Variants in SPATA17 observed in about 807,000 individuals in gnomAD.
SPATA17 encodes the protein spermatogenesis-associated protein 17.
A neutral mutation model predicts 62.2 loss-of-function variants in SPATA17; 53 were observed. The ratio of observed to expected loss-of-function variants is 0.85; its 90% CI spans 0.68 to 1.07. The LOEUF is 1.07. Ranked by LOEUF, SPATA17 falls within the 50% of genes least tolerant of loss-of-function variation. The pLI, the probability that SPATA17 is intolerant of heterozygous loss-of-function variation, is 0.00. For missense variants in SPATA17, 466 were observed against 425.5 expected (o/e 1.10, Z -0.84); for synonymous variants, 146 against 146.8 (o/e 0.99, Z 0.04).
chr1:217,737,042 C>T (rs1672524842), intron 5 of SPATA17, among the ~76,000 whole-genome samples: 1 of 152,052 alleles, frequency 6.6e-6, no homozygotes, highest in Admixed American at 6.6e-5. Flanking sequence ...AAAAAAAGTC[C>T]TATTGATAGC....
chr1:217,747,466 A>C (rs558696292), intron 6 of SPATA17, among the ~76,000 whole-genome samples: 13 of 152,262 alleles, frequency 8.5e-5, no homozygotes, highest in African/African-American at 2.9e-4. Flanking sequence ...GATTAGAAAA[A>C]TTACAGACAC....
At chr1:217,813,557 C>A (rs1674644737) in intron 9 of SPATA17, among the ~76,000 whole-genome samples, 1 of 152,074 alleles carries the variant, frequency 6.6e-6, no homozygotes, top group South Asian at 2.1e-4. Flanking sequence ...TGTTTCATTT[C>A]ATTAGTAAAT....
At chr1:217,738,536 T>A (rs534912919) in intron 5 of SPATA17, among the ~76,000 whole-genome samples, 1 of 152,328 alleles carries the variant, frequency 6.6e-6, no homozygotes, top group East Asian at 1.9e-4. Flanking sequence ...CTCACAATAG[T>A]TTAATGGAAA....
chr1:217,725,726 G>T (rs1459874703), intron 5 of SPATA17, among the ~76,000 whole-genome samples: 2 of 152,144 alleles, frequency 1.3e-5, no homozygotes, highest in Non-Finnish European at 2.9e-5. Flanking sequence ...GCCTCCCAAA[G>T]TGCTAGGATT....
At chr1:217,694,761 T>G (rs1179937164) in intron 5 of SPATA17, among the ~76,000 whole-genome samples, 17 of 148,756 alleles carry the variant, frequency 1.1e-4, no homozygotes, top group African/African-American at 4.2e-4. Flanking sequence ...AAGCTTAGTT[T>G]GGCTGGATAT....
intron 9 of SPATA17, among the ~76,000 whole-genome samples, chr1:217,820,590 A>G (rs541500637): frequency 6.6e-6 from 1 of 151,900 alleles, no homozygotes; most frequent in South Asian, 2.1e-4. Flanking sequence ...TAAAATTGGA[A>G]GTCAGTTACA....
rs897503133 is a variant in SPATA17 at position 217,803,680 on chromosome 1, C to A, written c.1005+1830C>A. Among the ~76,000 whole-genome samples, 9 of 152,242 alleles carry A rather than the reference C, an allele frequency of 5.9e-5. No individual in the cohort carries two copies. In the Middle Eastern group the frequency reaches 0.01, roughly 173 times the overall value. On this transcript the variant is annotated intron_variant, in intron 9 of 10. Coordinates refer to ENST00000366933, the MANE Select transcript of SPATA17 (RefSeq NM_138796.4). ...AACAAAGTGATCAACTGAGTCAATACAATCCCTATCAAAATCCCAATGTCA... is the reference window on the plus strand; with the variant it reads ...AACAAAGTGATCAACTGAGTCAATAAAATCCCTATCAAAATCCCAATGTCA...
intron 6 of SPATA17, among the ~76,000 whole-genome samples, chr1:217,760,473 G>T (rs190174293): frequency 6.6e-5 from 10 of 152,196 alleles, no homozygotes; most frequent in African/African-American, 2.4e-4. Context: ...GTTTATAGAA[G>T]AAGACTATAT....
chr1:217,672,261 G>A (rs893025625), intron 4 of SPATA17, among the ~76,000 whole-genome samples: 3 of 152,104 alleles, frequency 2.0e-5, no homozygotes, highest in African/African-American at 7.2e-5. Flanking sequence ...CATTTCATAA[G>A]CTACCTGGTA....
intron 6 of SPATA17, among the ~76,000 whole-genome samples, chr1:217,773,146 T>C (rs2102971243): frequency 6.6e-6 from 1 of 152,216 alleles, no homozygotes; most frequent in Non-Finnish European, 1.5e-5. Flanking sequence ...TATTGCTGAG[T>C]TAGGCTGGAA....
chr1:217,666,783 A>T lies in SPATA17; in HGVS notation c.241-2250A>T, dbSNP rs187197515. ...CTGTCTGTATGAATTAGACTATTCT[A>T]GTACCTCATGTAAGTGGAATAATAA... is the stretch of plus-strand genomic sequence containing the variant. On this transcript the variant is annotated intron_variant, in intron 3 of 10. Transcript: ENST00000366933. Among the ~76,000 whole-genome samples, 11 of 152,272 alleles carry T rather than the reference A, an allele frequency of 7.2e-5. No homozygotes were observed. The East Asian group carries it at 1.9e-3, about 27-fold the overall frequency.
intron 9 of SPATA17, among the ~76,000 whole-genome samples, chr1:217,824,138 G>A (rs1433589783): frequency 6.6e-6 from 1 of 151,894 alleles, no homozygotes; most frequent in Non-Finnish European, 1.5e-5. Context: ...GATAGGTAAG[G>A]ACTTACTAGT....
chr1:217,845,318 C>T (rs1183186929), intron 9 of SPATA17, among the ~76,000 whole-genome samples: 1 of 152,092 alleles, frequency 6.6e-6, no homozygotes, highest in African/African-American at 2.4e-5. Context: ...TATTTGCCAA[C>T]ATAGAAGGCC....
chr1:217,704,848 G>T (rs1324779137), intron 5 of SPATA17, among the ~76,000 whole-genome samples: 1 of 152,074 alleles, frequency 6.6e-6, no homozygotes, highest in East Asian at 1.9e-4. Context: ...TATTGTGAAT[G>T]GTACTGAGAC....
chr1:217,844,888 G>A (rs1222239671), intron 9 of SPATA17, among the ~76,000 whole-genome samples: 1 of 152,054 alleles, frequency 6.6e-6, no homozygotes, highest in Non-Finnish European at 1.5e-5. Context: ...TTTGATTTGT[G>A]TGGGTGGGGG....
chr1:217,642,361 G>A (rs1670084354), intron 1 of SPATA17, among the ~76,000 whole-genome samples: 1 of 152,054 alleles, frequency 6.6e-6, no homozygotes, highest in African/African-American at 2.4e-5. Flanking sequence ...TTTATTCAGT[G>A]GGTTAAAATC....
intron 5 of SPATA17, among the ~76,000 whole-genome samples, chr1:217,730,042 G>A (rs1321085666): frequency 6.6e-6 from 1 of 152,040 alleles, no homozygotes; most frequent in Non-Finnish European, 1.5e-5. Flanking sequence ...TGATGCTAAT[G>A]GTATAATTGA....
chr1:217,647,548 T>C (rs1670213505), intron 1 of SPATA17, among the ~76,000 whole-genome samples: 1 of 152,294 alleles, frequency 6.6e-6, no homozygotes. Context: ...AAATAATTTT[T>C]AAATATGATT....
intron 4 of SPATA17, among the ~76,000 whole-genome samples, chr1:217,681,523 A>G (rs1189343765): frequency 1.3e-5 from 2 of 151,768 alleles, no homozygotes; most frequent in Non-Finnish European, 2.9e-5. Context: ...ACAGGCGCAC[A>G]CCACCATGCC....
Sources: gnomAD v4.1 joint callset for allele counts (sites outside exome capture counted in the v4.1 genomes callset) on GRCh38, gnomAD v4.1.1 for gene constraint, MANE v1.5 for transcripts, NCBI Gene and HGNC (gene_info 2026-07-23, HGNC 2026-07-21) for gene names.